ZPBP: variants seen among roughly 807,000 people sequenced by gnomAD.
The protein encoded by ZPBP is zona pellucida-binding protein 1.
Under a neutral mutation model 44.8 loss-of-function variants are expected in ZPBP, and 26 were observed. That is an observed-to-expected ratio of 0.58 (90% CI 0.43 to 0.81). ZPBP has a LOEUF of 0.81. Ranked by LOEUF, ZPBP falls within the 30% of genes least tolerant of loss-of-function variation. The pLI is 0.00. For synonymous variants in ZPBP, 174 were observed against 153.2 expected (o/e 1.14, Z -1.00); for missense variants, 409 against 434.0 (o/e 0.94, Z 0.51).
chr7:50,014,159 T>G (rs1181996987), intron 6 of ZPBP, among the ~76,000 whole-genome samples: 2 of 152,136 alleles, frequency 1.3e-5, no homozygotes, highest in East Asian at 3.9e-4. Context: ...ACTGGAAGAT[T>G]GAATACTATT....
At chr7:49,990,047 T>C (rs1797492531) in intron 6 of ZPBP, among the ~76,000 whole-genome samples, 1 of 152,188 alleles carries the variant, frequency 6.6e-6, no homozygotes, top group African/African-American at 2.4e-5. Flanking sequence ...AAACACATTT[T>C]TGTCCCAAAT....
intron 1 of ZPBP, among the ~76,000 whole-genome samples, chr7:49,931,081 CT>C (rs1304725122): frequency 2.0e-5 from 3 of 152,332 alleles, no homozygotes; most frequent in Admixed American, 6.5e-5. Context: ...TGTGACTTTG[CT>C]CCTCATTTGC....
In ZPBP at chr7:50,018,319, G is replaced by T; in HGVS notation, c.707-3C>A. ...TTTTTCAGTGTCTAGAGATGAAACT[G>T]AGAAAATATATTATATTTTATCATG... On this transcript the variant is annotated splice_polypyrimidine_tract_variant and splice_region_variant and intron_variant, in intron 5 of 7. Coordinates refer to ENST00000046087, the MANE Select transcript of ZPBP (RefSeq NM_007009.3). 1.9e-6 allele frequency: 3 copies of T among 1,592,274 alleles called. No homozygotes were observed. The South Asian group carries it at 3.3e-5, about 18-fold the overall frequency.
intron 4 of ZPBP, among the ~76,000 whole-genome samples, chr7:50,049,833 A>G (rs1157959665): frequency 6.6e-6 from 1 of 151,964 alleles, no homozygotes; most frequent in Non-Finnish European, 1.5e-5. Context: ...AAAAAAAACA[A>G]AAATAAATAA....
intron 5 of ZPBP, among the ~76,000 whole-genome samples, chr7:50,024,208 G>GGAATGTATGTTGGTACAACA (rs146394253): frequency 0.031 from 4,642 of 152,008 alleles, 93 homozygotes; most frequent in Middle Eastern, 0.061. Flanking sequence ...GCTGTTAGTA[G>GGAATGTATGTTGGTACAACA]GAATGTATGT....
At chr7:49,858,250 GCA>G (rs1306732729) in intron 2 of ZPBP, among the ~76,000 whole-genome samples, 2 of 152,100 alleles carry the variant, frequency 1.3e-5, no homozygotes, top group African/African-American at 4.8e-5. Context: ...AATGACACAT[GCA>G]CACGTATGTT....
chr7:50,031,616 T>C lies in ZPBP; in HGVS notation c.488-306A>G, dbSNP rs770753649. Among the ~76,000 whole-genome samples, 2 of 152,136 alleles carry C rather than the reference T, an allele frequency of 1.3e-5. 1 individual carries two copies. Among genetic ancestry groups the C allele is most frequent in the African/African-American group, 4.8e-5 (2 of 41,428 alleles). ...TGTCCAATGCCTATGCTATCAAAAC[T>C]AAGATTCTAACTTACCGAGCCTGGT... is the stretch of plus-strand genomic sequence containing the variant. On this transcript the variant is annotated intron_variant, in intron 4 of 7. Coordinates refer to ENST00000046087, the MANE Select transcript of ZPBP (RefSeq NM_007009.3).
intron 7 of ZPBP, among the ~76,000 whole-genome samples, chr7:49,980,300 A>C (rs1796780336): frequency 2.4e-5 from 2 of 82,184 alleles, no homozygotes; most frequent in African/African-American, 1.3e-4. Flanking sequence ...AATATATAAT[A>C]TATATAATAT....
intron 7 of ZPBP, among the ~76,000 whole-genome samples, chr7:49,981,577 A>G (rs1300788950): frequency 3.6e-5 from 1 of 28,068 alleles, no homozygotes; most frequent in Non-Finnish European, 9.4e-5. Context: ...ATAATTATAT[A>G]AATTATATAT....
At chr7:50,027,729 G>C (rs1562855341) in intron 5 of ZPBP, among the ~76,000 whole-genome samples, 1 of 152,036 alleles carries the variant, frequency 6.6e-6, no homozygotes, top group East Asian at 1.9e-4. Flanking sequence ...AATCAAAGTA[G>C]AGACATTACT....
intron 6 of ZPBP, among the ~76,000 whole-genome samples, chr7:50,014,849 G>T (rs1382480618): frequency 6.6e-6 from 1 of 152,054 alleles, no homozygotes; most frequent in Non-Finnish European, 1.5e-5. Context: ...TGGCCTTACT[G>T]TAGTCTGGAG....
At chr7:49,938,486 C>A (rs1193260331) in intron 7 of ZPBP, among the ~76,000 whole-genome samples, 4 of 152,260 alleles carry the variant, frequency 2.6e-5, no homozygotes, top group African/African-American at 9.6e-5. Flanking sequence ...TCTCTTAGTT[C>A]CACTATCCTT....
intron 1 of ZPBP, among the ~76,000 whole-genome samples, chr7:49,906,625 C>T (rs566433051): frequency 9.9e-5 from 15 of 152,240 alleles, no homozygotes; most frequent in African/African-American, 3.6e-4. Context: ...CGTGAGCCAC[C>T]GCACCCAGCC....
intron 2 of ZPBP, among the ~76,000 whole-genome samples, chr7:49,865,625 G>C (rs552580671): frequency 6.6e-6 from 1 of 152,138 alleles, no homozygotes; most frequent in Non-Finnish European, 1.5e-5. Flanking sequence ...AAGTATTTTT[G>C]AGACTCTGTT....
At chr7:49,913,707 A>G (rs987517339) in intron 1 of ZPBP, 4 of 152,216 alleles carry the variant, frequency 2.6e-5, no homozygotes, top group Non-Finnish European at 2.9e-5. Context: ...GCCAAACTAG[A>G]GACCAGCAAA....
intron 7 of ZPBP, among the ~76,000 whole-genome samples, chr7:49,980,074 A>C (rs1415210390): frequency 1.7e-4 from 2 of 11,950 alleles, no homozygotes; most frequent in Non-Finnish European, 3.1e-4. Flanking sequence ...ATATTATAAT[A>C]TATATAATAT....
chr7:50,022,609 A>C lies in ZPBP; in HGVS notation c.707-4293T>G, dbSNP rs950143791. ...AGGTAGTAACAGGGACAATCAAACAAAAAAGATATGAGACATCTTCTGGTT... is the reference window on the plus strand; with the variant it reads ...AGGTAGTAACAGGGACAATCAAACACAAAAGATATGAGACATCTTCTGGTT... On this transcript the variant is annotated intron_variant, in intron 5 of 7. Coordinates refer to ENST00000046087, the MANE Select transcript of ZPBP (RefSeq NM_007009.3). Among the ~76,000 whole-genome samples, 47 of 152,210 alleles carry C rather than the reference A, an allele frequency of 3.1e-4. 1 individual carries two copies. The South Asian group carries it at 9.3e-3, about 30-fold the overall frequency.
intron 7 of ZPBP, among the ~76,000 whole-genome samples, chr7:49,953,731 A>C (rs1795451581): frequency 6.6e-6 from 1 of 152,146 alleles, no homozygotes; most frequent in African/African-American, 2.4e-5. Context: ...ACCCATATTC[A>C]GGGAAATAAA....
At chr7:50,078,087 C>A (rs1302484633) in intron 3 of ZPBP, among the ~76,000 whole-genome samples, 1 of 151,720 alleles carries the variant, frequency 6.6e-6, no homozygotes, top group East Asian at 1.9e-4. Flanking sequence ...CAGACATTTG[C>A]AACAACATGG....
Sources: allele counts gnomAD v4.1 joint callset (sites outside exome capture counted in the v4.1 genomes callset), GRCh38; gene constraint gnomAD v4.1.1; transcripts MANE v1.5; gene names NCBI Gene and HGNC (gene_info 2026-07-23, HGNC 2026-07-21).